The following TASL variants were observed in gnomAD, a reference collection of about 807,000 sequenced individuals.
TASL encodes TLR adapter interacting with SLC15A4 on the lysosome.
TASL carries 6 observed loss-of-function variants against 12.9 expected under a neutral mutation model. That is an observed-to-expected ratio of 0.46 (90% CI 0.25 to 0.92). TASL has a LOEUF of 0.92. Among genes scored for constraint, TASL ranks in the 40% least tolerant of loss-of-function variants. TASL has a pLI of 0.17. For missense variants in TASL, 165 were observed against 212.8 expected, an observed-to-expected ratio of 0.78 and a Z score of 1.40; for synonymous variants, 85 against 79.3, an observed-to-expected ratio of 1.07 and a Z score of -0.38.
In TASL at chrX:30,571,270, G is replaced by GAAAAAAAGAAAGAA. The variant is rs758951918; in HGVS notation, c.-2+5481_-2+5482insTTCTTTCTTTTTTT. ...AGAGAAAGAAAGAGAAAGAAAGAAA[G>GAAAAAAAGAAAGAA]AAAGAAAGAAAGAAAGAAAGAAAGA... On this transcript the variant is annotated intron_variant, in intron 2 of 2. Transcript: ENST00000378962. Among the ~76,000 whole-genome samples the GAAAAAAAGAAAGAA allele has an allele frequency of 1.4e-4, 7 of 48,529 alleles. No individual in the cohort carries two copies. In the East Asian group the frequency reaches 4.1e-3, roughly 29 times the overall value. The allele number at this position is 48,529 out of a possible 115,157, so 42.1% of individuals were successfully genotyped here. A position where few individuals can be genotyped will look rare whatever the true frequency, so the allele number is the denominator to read the frequency against.
chrX:30,562,010 T>C, intron 2 of TASL, among the ~76,000 whole-genome samples: 1 of 111,838 alleles, frequency 8.9e-6, no homozygotes, highest in Non-Finnish European at 1.9e-5. Flanking sequence ...GGGGATGCAC[T>C]TACTTCCTGG....
chrX:30,564,267 A>G (rs1930466688), intron 2 of TASL, among the ~76,000 whole-genome samples: 1 of 112,014 alleles, frequency 8.9e-6, no homozygotes, highest in African/African-American at 3.2e-5. Context: ...AAGATGGAAA[A>G]TAAAACTAGA....
At position 30,559,254 on chromosome X, in the gene TASL, G is replaced by A. The variant is rs1354954041; in HGVS notation, c.*196C>T. 1.7e-5 allele frequency: 6 copies of A among 360,509 alleles called. No homozygotes were observed. Among genetic ancestry groups the A allele is most frequent in the Non-Finnish European group, 2.9e-5 (6 of 209,298 alleles). The allele number at this position is 360,509 out of a possible 1,213,427, so 29.7% of individuals were successfully genotyped here. The stretch of plus-strand genomic sequence containing the variant: ...CCTCTCTTTGAAATCATTCCTTATG[G>A]CTCCTCTTACCATATTCCTTCATCA... On this transcript the variant is annotated 3_prime_UTR_variant, in exon 3 of 3. Coordinates refer to ENST00000378962, the MANE Select transcript of TASL (RefSeq NM_025159.3).
chrX:30,570,259 CAT>C (rs1276759425), intron 2 of TASL, among the ~76,000 whole-genome samples: 24 of 108,039 alleles, frequency 2.2e-4, no homozygotes, highest in Non-Finnish European at 3.3e-4. Flanking sequence ...CACACACACA[CAT>C]ATATATGAAG....
rs992612456 is a variant in TASL, at chrX:30,559,831, G to A, written c.525C>T (p.Asp175=). 2 of 1,210,578 alleles carry A rather than the reference G, an allele frequency of 1.7e-6. No individual in the cohort carries two copies. Among genetic ancestry groups the A allele is most frequent in the Non-Finnish European group, 2.2e-6 (2 of 895,050 alleles). Residue 175 remains aspartate (D), a synonymous_variant, in exon 3 of 3, where the codon GAC becomes GAT. Coordinates refer to ENST00000378962, the MANE Select transcript of TASL (RefSeq NM_025159.3). ...ACCGCTGGATAGGTTTTTGGGGAAAGTCACTGGGCTGAGTAGAAATGGAAT... is the reference window on the plus strand; with the variant it reads ...ACCGCTGGATAGGTTTTTGGGGAAAATCACTGGGCTGAGTAGAAATGGAAT... The part of the protein sequence containing the change: ...MEDSISTQPS[D]FPQKPIQRYS...
intron 2 of TASL, among the ~76,000 whole-genome samples, chrX:30,561,091 A>G (rs987653137): frequency 1.8e-5 from 2 of 111,906 alleles, no homozygotes; most frequent in African/African-American, 6.5e-5. Context: ...TTGCATTTCT[A>G]CAGAGACTCA....
At chrX:30,569,708 C>T (rs1305698961) in intron 2 of TASL, among the ~76,000 whole-genome samples, 2 of 111,584 alleles carry the variant, frequency 1.8e-5, no homozygotes, top group African/African-American at 6.5e-5. Context: ...TTGAACAAGT[C>T]ACATTTTAAA....
At chrX:30,568,341 A>AAG in intron 2 of TASL, among the ~76,000 whole-genome samples, 1 of 111,552 alleles carries the variant, frequency 9.0e-6, no homozygotes, top group Non-Finnish European at 1.9e-5. Flanking sequence ...AAGGGTGAAG[A>AAG]AGAGAGAGAG....
At chrX:30,566,711 G>A (rs1930503796) in intron 2 of TASL, among the ~76,000 whole-genome samples, 5 of 111,382 alleles carry the variant, frequency 4.5e-5, no homozygotes. Flanking sequence ...ATTGTTCAAC[G>A]AAAAATTGTA....
chrX:30,560,366 G>C lies in TASL; in HGVS notation c.-1-10C>G. The C allele has an allele frequency of 8.9e-7, 1 of 1,121,413 alleles. No homozygotes were observed. The highest frequency in any genetic ancestry group is 1.2e-6 in the Non-Finnish European group (1 of 837,843). The allele number at this position is 1,121,413 out of a possible 1,213,427, so 92.4% of individuals were successfully genotyped here. A position where few individuals can be genotyped will look rare whatever the true frequency, so the allele number is the denominator to read the frequency against. ...CCCTTCTGACAGCATTCTGGAAAGA[G>C]AATTGATGAGTAAGAATGGGGAAAA... On this transcript the variant is annotated splice_polypyrimidine_tract_variant and intron_variant, in intron 2 of 2. Transcript: ENST00000378962.
Position 30,559,366 on chromosome X carries a change from C to G in TASL, c.*84G>C. 1.3e-6 allele frequency: 1 copy of G among 743,072 alleles called. No individual in the cohort carries two copies. Among genetic ancestry groups the G allele is most frequent in the Admixed American group, 3.2e-5 (1 of 31,207 alleles). 61.2% of individuals were successfully genotyped at this position (743,072 alleles called of 1,213,427 possible). A position where few individuals can be genotyped will look rare whatever the true frequency, so the allele number is the denominator to read the frequency against. On this transcript the variant is annotated 3_prime_UTR_variant, in exon 3 of 3. Transcript: ENST00000378962. ...CTAGCCCTTAATTCCCCTTCACTAA[C>G]CCCTCCTGCACATTCTCAGAATAAA...
intron 2 of TASL, among the ~76,000 whole-genome samples, chrX:30,573,847 G>C (rs982766501): frequency 4.5e-5 from 5 of 111,536 alleles, no homozygotes; most frequent in African/African-American, 1.6e-4. Context: ...GAACCCAGGA[G>C]GCAGAGGTTG....
At chrX:30,563,628 T>G (rs1930459539) in intron 2 of TASL, among the ~76,000 whole-genome samples, 1 of 111,623 alleles carries the variant, frequency 9.0e-6, no homozygotes, top group African/African-American at 3.3e-5. Flanking sequence ...AAGAAAAACT[T>G]GAAATGTAGT....
At chrX:30,572,704 C>T (rs901970347) in intron 2 of TASL, among the ~76,000 whole-genome samples, 1 of 112,174 alleles carries the variant, frequency 8.9e-6, no homozygotes, top group Non-Finnish European at 1.9e-5. Context: ...TAAGGGGGAA[C>T]GTTTAAAACA....
chrX:30,560,664 G>C (rs988713761), intron 2 of TASL, among the ~76,000 whole-genome samples: 1 of 68,723 alleles, frequency 1.5e-5, no homozygotes, highest in Non-Finnish European at 2.8e-5. Context: ...GTACAGGGGT[G>C]GGGGGGTCCC....
At chrX:30,561,999 T>A (rs974058513) in intron 2 of TASL, among the ~76,000 whole-genome samples, 3 of 111,698 alleles carry the variant, frequency 2.7e-5, no homozygotes, top group African/African-American at 9.8e-5. Flanking sequence ...AAAGAACTAA[T>A]GGGGATGCAC....
chrX:30,560,283 C>T lies in TASL; in HGVS notation c.73G>A (p.Glu25Lys), dbSNP rs1470415199. 1 of 1,208,720 alleles carries T rather than the reference C, an allele frequency of 8.3e-7. No homozygotes were observed. Among genetic ancestry groups the T allele is most frequent in the South Asian group, 1.8e-5 (1 of 56,644 alleles). Residue 25 changes from glutamate (E) to lysine (K), a missense_variant, in exon 3 of 3, where the codon GAG (glutamate) becomes AAG (lysine). Physicochemically the swap from Glu to Lys is moderately conservative, Grantham distance 56. Coordinates refer to ENST00000378962, the MANE Select transcript of TASL (RefSeq NM_025159.3). Reference protein sequence around the residue: ...DIHWSCASYNEQVAGEKEEET... With the variant: ...DIHWSCASYNKQVAGEKEEET... ...TCTTCCTTTTCCCCAGCCACCTGCT[C>T]ATTATAAGAGGCACAACTCCAGTGG...
chrX:30,574,798 G>A (rs1364336028), intron 2 of TASL, among the ~76,000 whole-genome samples: 1 of 111,563 alleles, frequency 9.0e-6, no homozygotes, highest in Non-Finnish European at 1.9e-5. Flanking sequence ...TTCTCTTGAG[G>A]GGCACTGAGA....
Position 30,577,661 on chromosome X carries a change from T to C in TASL, c.-140A>G, listed in dbSNP as rs1930729173. On this transcript the variant is annotated 5_prime_UTR_variant, in exon 1 of 3. Transcript: ENST00000378962. ...ACCTTCACTAACCAATCTGCTCATC[T>C]GATCCGGCAGAAACACAGCAACTGA... 1 of 112,295 alleles carries C rather than the reference T, an allele frequency of 8.9e-6. No individual in the cohort carries two copies. The highest frequency in any genetic ancestry group is 1.9e-5 in the Non-Finnish European group (1 of 53,303). 9.3% of individuals were successfully genotyped at this position (112,295 alleles called of 1,213,427 possible).
Sources: allele counts gnomAD v4.1 joint callset (sites outside exome capture counted in the v4.1 genomes callset), GRCh38; gene constraint gnomAD v4.1.1; transcripts MANE v1.5; gene names NCBI Gene and HGNC (gene_info 2026-07-23, HGNC 2026-07-21).